ONECUT1: variants seen among roughly 807,000 people sequenced by gnomAD.
ONECUT1 encodes the protein hepatocyte nuclear factor 6.
A neutral mutation model predicts 25.6 loss-of-function variants in ONECUT1; 12 were observed. That is an observed-to-expected ratio of 0.47 (90% CI 0.30 to 0.76). ONECUT1 has a LOEUF of 0.76. Ranked by LOEUF, ONECUT1 falls within the 30% of genes least tolerant of loss-of-function variation. The pLI is 0.07. For synonymous variants in ONECUT1, 285 were observed against 270.2 expected, an observed-to-expected ratio of 1.05 and a Z score of -0.54; for missense variants, 620 against 651.2, an observed-to-expected ratio of 0.95 and a Z score of 0.52.
intron 1 of ONECUT1, among the ~76,000 whole-genome samples, chr15:52,778,633 C>T (rs1002526866): frequency 8.5e-5 from 13 of 152,330 alleles, no homozygotes; most frequent in African/African-American, 3.1e-4. Context: ...TCTCAAGCTG[C>T]AGCACTTTGG....
At position 52,789,123 on chromosome 15, in the gene ONECUT1, G is replaced by T; in HGVS notation, c.762C>A (p.Ala254=). The part of the protein sequence containing the change: ...INGLPPHHPH[A]HLNAQGHGQL... ...GCCCGTGGCCCTGGGCGTTCAGGTG[G>T]GCGTGGGGATGGTGCGGAGGAAGGC... The change falls in exon 1 of 2, where the codon GCC becomes GCA. Residue 254 remains alanine, a synonymous_variant. Coordinates refer to ENST00000305901, the MANE Select transcript of ONECUT1 (RefSeq NM_004498.4). This position sits in a 1 kb window ranked among gnomAD's most constrained non-coding sequence, Gnocchi z 4.1. 6.2e-7 allele frequency: 1 copy of T among 1,600,990 alleles called. No individual in the cohort carries two copies.
chr15:52,764,342 A>C (rs1200537559), intron 1 of ONECUT1, among the ~76,000 whole-genome samples: 2 of 152,246 alleles, frequency 1.3e-5, no homozygotes, highest in Non-Finnish European at 2.9e-5. Flanking sequence ...TTTCCAACAC[A>C]TGAAATTTGG....
At chr15:52,777,729 C>CAAAAAAAAAAAAAAA (rs1309303644) in intron 1 of ONECUT1, among the ~76,000 whole-genome samples, 88 of 87,290 alleles carry the variant, frequency 1.0e-3, no homozygotes, top group African/African-American at 7.3e-3. Context: ...CACACACACA[C>CAAAAAAAAAAAAAAA]ACACACACAA....
chr15:52,770,700 G>A (rs556761080), intron 1 of ONECUT1, among the ~76,000 whole-genome samples: 176 of 152,164 alleles, frequency 1.2e-3, no homozygotes, highest in Admixed American at 4.9e-3. Context: ...ATTTTTTAAC[G>A]TGGAAAAAAA....
chr15:52,771,471 G>C (rs2083767222), intron 1 of ONECUT1, among the ~76,000 whole-genome samples: 1 of 146,822 alleles, frequency 6.8e-6, no homozygotes, highest in African/African-American at 2.6e-5. Flanking sequence ...GTGTGTGTGT[G>C]TCTGTGTATA....
At chr15:52,773,170 T>C (rs138101156) in intron 1 of ONECUT1, among the ~76,000 whole-genome samples, 164 of 152,244 alleles carry the variant, frequency 1.1e-3, no homozygotes, top group African/African-American at 3.8e-3. Flanking sequence ...CAAAGCAATT[T>C]TGAAATGATT....
At chr15:52,769,359 C>T (rs1480802931) in intron 1 of ONECUT1, among the ~76,000 whole-genome samples, 2 of 152,172 alleles carry the variant, frequency 1.3e-5, no homozygotes, top group Admixed American at 6.5e-5. Context: ...AATAGAGATG[C>T]AAGAGACACA....
intron 1 of ONECUT1, among the ~76,000 whole-genome samples, chr15:52,775,127 T>C (rs943284535): frequency 6.7e-6 from 1 of 150,106 alleles, no homozygotes; most frequent in Admixed American, 6.7e-5. Flanking sequence ...GAGGCGGAGG[T>C]TGTAGTGAGC....
At chr15:52,777,342 CA>C (rs2083807368) in intron 1 of ONECUT1, among the ~76,000 whole-genome samples, 1 of 151,970 alleles carries the variant, frequency 6.6e-6, no homozygotes, top group Non-Finnish European at 1.5e-5. Context: ...ACTTTTTAAG[CA>C]GCACATATTC....
chr15:52,780,898 T>C (rs924519870), intron 1 of ONECUT1: 1 of 1,311,024 alleles, frequency 7.6e-7, no homozygotes, highest in African/African-American at 1.5e-5. Context: ...TGGCGGCATA[T>C]GCAAAGGAAG....
intron 1 of ONECUT1, among the ~76,000 whole-genome samples, chr15:52,776,545 A>T (rs2083802309): frequency 6.6e-6 from 1 of 152,146 alleles, no homozygotes; most frequent in Admixed American, 6.5e-5. Context: ...CATGCTTTCA[A>T]AAGCACAAAT....
In ONECUT1 at chr15:52,757,690, C is replaced by T; in HGVS notation, c.1263G>A (p.Gln421=). 1 of 1,614,152 alleles carries T rather than the reference C, an allele frequency of 6.2e-7. No homozygotes were observed. The highest frequency in any genetic ancestry group is 1.1e-5 in the South Asian group (1 of 91,080). The change falls in exon 2 of 2, where the codon CAG becomes CAA. Residue 421 remains glutamine, a synonymous_variant. Transcript: ENST00000305901. ...SKELQITISQ[Q]LGLELSTVSN... is the part of the protein sequence containing the mutation. Reference sequence around the variant, plus strand: ...TGACAGTGCTCAGCTCCAACCCCAGCTGCTGGGAAATGGTGATTTGCAATT... The same window carrying T: ...TGACAGTGCTCAGCTCCAACCCCAGTTGCTGGGAAATGGTGATTTGCAATT...
intron 1 of ONECUT1, chr15:52,780,537 C>G (rs79402245): frequency 6.7e-7 from 1 of 1,487,700 alleles, no homozygotes; most frequent in Non-Finnish European, 9.1e-7. Flanking sequence ...ATCACTTTAA[C>G]TGCATCTTAA....
intron 1 of ONECUT1, among the ~76,000 whole-genome samples, chr15:52,758,364 C>A (rs2083686547): frequency 6.6e-6 from 1 of 152,166 alleles, no homozygotes; most frequent in Admixed American, 6.5e-5. Context: ...TAATCAGAGT[C>A]TAAAAACATA....
At chr15:52,772,763 T>C (rs116504938) in intron 1 of ONECUT1, among the ~76,000 whole-genome samples, 5 of 152,318 alleles carry the variant, frequency 3.3e-5, no homozygotes, top group African/African-American at 9.6e-5. Context: ...TTGTTTTTGT[T>C]TTAATTTCTG....
intron 1 of ONECUT1, among the ~76,000 whole-genome samples, chr15:52,772,868 T>A (rs1395862445): frequency 6.6e-6 from 1 of 152,222 alleles, no homozygotes; most frequent in African/African-American, 2.4e-5. Context: ...AGTGTTATTT[T>A]ATATAATAAG....
At chr15:52,780,447 T>C in intron 1 of ONECUT1, 1 of 721,694 alleles carries the variant, frequency 1.4e-6, no homozygotes, top group Non-Finnish European at 2.2e-6. Context: ...GAAGTAAATG[T>C]TAACTTTCTT....
intron 1 of ONECUT1, among the ~76,000 whole-genome samples, chr15:52,782,942 T>C (rs1454377642): frequency 6.6e-6 from 1 of 152,218 alleles, no homozygotes; most frequent in Non-Finnish European, 1.5e-5. Context: ...CCCACCTTTA[T>C]TAGACTTGAG....
In ONECUT1 at chr15:52,770,102, C is replaced by T. The variant is rs1027810615; in HGVS notation, c.1106-12255G>A. On this transcript the variant is annotated intron_variant, in intron 1 of 1. Transcript: ENST00000305901. Reference sequence around the variant, plus strand: ...AGTAGGACCTCTGGCTATTATAGAGCCCTGGATCCATGGGTTAGGGTATCA... The same window carrying T: ...AGTAGGACCTCTGGCTATTATAGAGTCCTGGATCCATGGGTTAGGGTATCA... Among the ~76,000 whole-genome samples, 3 of 152,172 alleles carry T rather than the reference C, an allele frequency of 2.0e-5. No individual in the cohort carries two copies. In the East Asian group the frequency reaches 5.8e-4, roughly 29 times the overall value.
Sources: allele counts gnomAD v4.1 joint callset (sites outside exome capture counted in the v4.1 genomes callset), GRCh38; gene constraint gnomAD v4.1.1; non-coding constraint Gnocchi (gnomAD v3.1); transcripts MANE v1.5; gene names NCBI Gene and HGNC (gene_info 2026-07-23, HGNC 2026-07-21).